The following PLCB1 variants were observed in gnomAD, a reference collection of about 807,000 sequenced individuals.
PLCB1 encodes 1-phosphatidylinositol 4,5-bisphosphate phosphodiesterase beta-1.
PLCB1 carries 46 observed loss-of-function variants against 161.8 expected under a neutral mutation model. The observed-to-expected ratio is 0.28, with a 90% confidence interval of 0.22 to 0.36. PLCB1 has a LOEUF of 0.36. Among genes scored for constraint, PLCB1 ranks in the 10% least tolerant of loss-of-function variants. The probability of loss-of-function intolerance (pLI) is 1.00; values close to 1 mark genes in which losing one functional copy is unlikely to be tolerated. For synonymous variants in PLCB1, 517 were observed against 503.7 expected (o/e 1.03, Z -0.35); for missense variants, 1,016 against 1,472.5 (o/e 0.69, Z 5.07).
chr20:8,282,257 T>C (rs1982909401), intron 2 of PLCB1, among the ~76,000 whole-genome samples: 1 of 152,312 alleles, frequency 6.6e-6, no homozygotes. Context: ...ATCACAAAGA[T>C]GAAACAGAAG....
At chr20:8,336,807 AT>A in intron 2 of PLCB1, among the ~76,000 whole-genome samples, 2 of 152,114 alleles carry the variant, frequency 1.3e-5, no homozygotes, top group South Asian at 4.1e-4. Flanking sequence ...TAGGTGTTTC[AT>A]TTACTGTCTC....
chr20:8,657,334 C>T lies in PLCB1; in HGVS notation c.695+50C>T, dbSNP rs369388520. On this transcript the variant is annotated intron_variant, in intron 8 of 31. Transcript: ENST00000338037. ...ATCTTTTTCAGCTTGCATTGATTCT[C>T]AGGTGGCTAGAGCAGGACTTGGAGT... 6.0e-4 allele frequency: 652 copies of T among 1,093,552 alleles called. 2 individuals are homozygous for T. The highest frequency in any genetic ancestry group is 7.6e-4 in the Non-Finnish European group (539 of 706,404). 67.7% of individuals were successfully genotyped at this position (1,093,552 alleles called of 1,614,324 possible).
chr20:8,569,583 G>A (rs1188095921), intron 3 of PLCB1, among the ~76,000 whole-genome samples: 3 of 152,160 alleles, frequency 2.0e-5, no homozygotes, highest in Non-Finnish European at 4.4e-5. Context: ...AATAAAACTT[G>A]AAGAGAGTGA....
chr20:8,182,562 A>G (rs1307624489), intron 2 of PLCB1, among the ~76,000 whole-genome samples: 1 of 150,492 alleles, frequency 6.6e-6, no homozygotes, highest in Non-Finnish European at 1.5e-5. Context: ...CCAGTTGATC[A>G]CAGTTGATTA....
At chr20:8,455,195 G>A (rs993641786) in intron 3 of PLCB1, among the ~76,000 whole-genome samples, 3 of 151,800 alleles carry the variant, frequency 2.0e-5, no homozygotes, top group Admixed American at 6.6e-5. Flanking sequence ...GGGCGTGGTG[G>A]CACACACCTG....
At chr20:8,408,538 C>A (rs1241811348) in intron 3 of PLCB1, among the ~76,000 whole-genome samples, 1 of 151,528 alleles carries the variant, frequency 6.6e-6, no homozygotes. Flanking sequence ...CAGATTATGG[C>A]GACATAAATA....
chr20:8,570,403 G>T (rs756806296), intron 3 of PLCB1, among the ~76,000 whole-genome samples: 5 of 152,102 alleles, frequency 3.3e-5, no homozygotes, highest in African/African-American at 4.8e-5. Context: ...AATATATATA[G>T]GTATATATGT....
chr20:8,533,321 C>T (rs1600133773), intron 3 of PLCB1, among the ~76,000 whole-genome samples: 3 of 150,494 alleles, frequency 2.0e-5, no homozygotes, highest in African/African-American at 5.0e-5. Flanking sequence ...CCGCAATAAA[C>T]ATACGTGTGC....
intron 26 of PLCB1, among the ~76,000 whole-genome samples, chr20:8,768,570 C>G (rs1184006428): frequency 1.3e-5 from 2 of 152,202 alleles, no homozygotes; most frequent in African/African-American, 2.4e-5. Context: ...CTTCTATGTA[C>G]TATTCCATAT....
At chr20:8,874,393 A>G (rs1987709459) in intron 31 of PLCB1, among the ~76,000 whole-genome samples, 3 of 151,982 alleles carry the variant, frequency 2.0e-5, no homozygotes, top group Admixed American at 1.3e-4. Context: ...CTTTCAGTGA[A>G]TTTTGGCAGA....
At chr20:8,219,039 G>A (rs985904597) in intron 2 of PLCB1, among the ~76,000 whole-genome samples, 2 of 152,170 alleles carry the variant, frequency 1.3e-5, no homozygotes, top group Non-Finnish European at 2.9e-5. Context: ...ATTACCAAGA[G>A]TTACTCACTA....
chr20:8,234,471 A>G (rs143406079), intron 2 of PLCB1, among the ~76,000 whole-genome samples: 180 of 152,224 alleles, frequency 1.2e-3, no homozygotes, highest in Middle Eastern at 6.8e-3. Context: ...TGAAATTTCC[A>G]GCCACTAATG....
chr20:8,529,516 C>T (rs1405876877), intron 3 of PLCB1, among the ~76,000 whole-genome samples: 2 of 152,024 alleles, frequency 1.3e-5, no homozygotes, highest in African/African-American at 4.8e-5. Context: ...CTTTTATTGA[C>T]ATTCAACTAG....
chr20:8,824,497 A>G (rs1016925536), intron 31 of PLCB1, among the ~76,000 whole-genome samples: 2 of 152,114 alleles, frequency 1.3e-5, no homozygotes, highest in Non-Finnish European at 2.9e-5. Context: ...AATTCAGGAG[A>G]ACTCAGGAAT....
chr20:8,137,869 C>G (rs544692936), intron 1 of PLCB1, among the ~76,000 whole-genome samples: 1 of 152,158 alleles, frequency 6.6e-6, no homozygotes, highest in African/African-American at 2.4e-5. Flanking sequence ...TTAAAAAAAA[C>G]CTCTTCAGCC....
chr20:8,766,556 G>A (rs1600309502), intron 26 of PLCB1, among the ~76,000 whole-genome samples: 1 of 152,192 alleles, frequency 6.6e-6, no homozygotes, highest in African/African-American at 2.4e-5. Flanking sequence ...TGAGATCAGA[G>A]AAACAGGAGG....
chr20:8,201,256 C>A (rs983455337), intron 2 of PLCB1, among the ~76,000 whole-genome samples: 2 of 151,980 alleles, frequency 1.3e-5, no homozygotes, highest in African/African-American at 4.8e-5. Flanking sequence ...TAAAAAAGGA[C>A]CCCCCTCCAG....
At chr20:8,374,134 T>A (rs1986992666) in intron 3 of PLCB1, among the ~76,000 whole-genome samples, 1 of 152,042 alleles carries the variant, frequency 6.6e-6, no homozygotes, top group Non-Finnish European at 1.5e-5. Context: ...ATTCCCATCA[T>A]CCCCATGTGT....
chr20:8,233,823 A>G (rs1296961930), intron 2 of PLCB1, among the ~76,000 whole-genome samples: 1 of 152,166 alleles, frequency 6.6e-6, no homozygotes, highest in Admixed American at 6.6e-5. Context: ...TCTTACGTCA[A>G]TGAAACAAAC....
Sources: gnomAD v4.1 joint callset for allele counts (sites outside exome capture counted in the v4.1 genomes callset) on GRCh38, gnomAD v4.1.1 for gene constraint, MANE v1.5 for transcripts, NCBI Gene and HGNC (gene_info 2026-07-23, HGNC 2026-07-21) for gene names.